TMEM131L: variants seen among roughly 807,000 people sequenced by gnomAD.
The protein encoded by TMEM131L is transmembrane protein 131-like.
Under a neutral mutation model 192.2 loss-of-function variants are expected in TMEM131L, and 54 were observed. The observed-to-expected ratio is 0.28, with a 90% CI of 0.23 to 0.35. TMEM131L has a LOEUF of 0.35. TMEM131L is among the 10% of genes least tolerant of loss of function. TMEM131L has a pLI of 1.00. For missense variants in TMEM131L, 1,888 were observed against 1,972.9 expected, an observed-to-expected ratio of 0.96 and a Z score of 0.82; for synonymous variants, 701 against 704.9, an observed-to-expected ratio of 0.99 and a Z score of 0.09.
intron 3 of TMEM131L, among the ~76,000 whole-genome samples, chr4:153,500,580 G>C (rs796785925): frequency 9.9e-5 from 15 of 152,242 alleles, no homozygotes; most frequent in African/African-American, 3.6e-4. Flanking sequence ...CTTGGATCGT[G>C]TTATTTTATG....
intron 3 of TMEM131L, among the ~76,000 whole-genome samples, chr4:153,502,421 T>C (rs1257273283): frequency 6.6e-6 from 1 of 152,190 alleles, no homozygotes; most frequent in Non-Finnish European, 1.5e-5. Flanking sequence ...TTTGTCACAG[T>C]GAACCTTATT....
At chr4:153,634,921 C>T (rs924577131) in intron 33 of TMEM131L, among the ~76,000 whole-genome samples, 1 of 152,200 alleles carries the variant, frequency 6.6e-6, no homozygotes, top group African/African-American at 2.4e-5. Context: ...GATTTTGATA[C>T]ATGCATTGCT....
chr4:153,618,972 T>C (rs1383999429), intron 26 of TMEM131L, among the ~76,000 whole-genome samples: 1 of 152,180 alleles, frequency 6.6e-6, no homozygotes, highest in African/African-American at 2.4e-5. Context: ...TTCTGGGATA[T>C]GTCTCACGCC....
chr4:153,632,263 A>T, intron 31 of TMEM131L: 3 of 161,332 alleles, frequency 1.9e-5, no homozygotes, highest in Non-Finnish European at 4.1e-5. Context: ...CAGTGAACCA[A>T]GATGCCACCA....
chr4:153,555,950 G>C lies in TMEM131L; in HGVS notation c.432+40G>C, dbSNP rs1298909008. 1.3e-6 allele frequency: 2 copies of C among 1,539,662 alleles called. No homozygotes were observed. Among genetic ancestry groups the C allele is most frequent in the Non-Finnish European group, 1.8e-6 (2 of 1,140,468 alleles). ...ACTCCTGGAAACTATGCCGTGGCAG[G>C]CAGCCAGGTTTTCTTGCTTTCTTTG... On this transcript the variant is annotated intron_variant, in intron 5 of 34. Transcript: ENST00000409959. This position sits in a 1 kb window ranked among gnomAD's most constrained non-coding sequence, Gnocchi z 4.1.
At chr4:153,593,706 A>G (rs1731229010) in intron 18 of TMEM131L, 93 bp from the exon 19 acceptor site, 3 of 805,820 alleles carry the variant, frequency 3.7e-6, no homozygotes, top group Middle Eastern at 2.2e-4. Context: ...GTACTCACCT[A>G]TGTATAAATG....
chr4:153,601,884 G>T (rs943102121), intron 21 of TMEM131L: 1 of 226,520 alleles, frequency 4.4e-6, no homozygotes, highest in Non-Finnish European at 8.4e-6. Context: ...CCAAAGAAGA[G>T]ATTTTAGTTA....
In TMEM131L at chr4:153,467,204, C is replaced by G. The variant is rs2149690854; in HGVS notation, c.125-7C>G. 6.4e-7 allele frequency: 1 copy of G among 1,551,612 alleles called. No individual in the cohort carries two copies. Among genetic ancestry groups the G allele is most frequent in the East Asian group, 2.4e-5 (1 of 40,924 alleles). Reference sequence around the variant, plus strand: ...AAAACGTGGTGTATTTTTTGGTGTTCCTGCAGCGATTGAGCCGTTGCCGAA... The same window carrying G: ...AAAACGTGGTGTATTTTTTGGTGTTGCTGCAGCGATTGAGCCGTTGCCGAA... On this transcript the variant is annotated splice_region_variant and splice_polypyrimidine_tract_variant and intron_variant, in intron 1 of 34. Coordinates refer to ENST00000409959, the MANE Select transcript of TMEM131L (RefSeq NM_001131007.2).
intron 3 of TMEM131L, among the ~76,000 whole-genome samples, chr4:153,501,366 A>G (rs2149993571): frequency 6.6e-6 from 1 of 152,120 alleles, no homozygotes; most frequent in South Asian, 2.1e-4. Context: ...ACACCCGGCT[A>G]ATTTTTTGTA....
chr4:153,552,318 T>C (rs951670443), intron 4 of TMEM131L, among the ~76,000 whole-genome samples: 1 of 152,222 alleles, frequency 6.6e-6, no homozygotes, highest in African/African-American at 2.4e-5. Flanking sequence ...TAAGTATAGC[T>C]ATTAGGATAA....
In TMEM131L at chr4:153,581,547, A is replaced by G. The variant is rs781303404; in HGVS notation, c.879A>G (p.Glu293=). Residue 293 remains glutamate (E), a synonymous_variant, in exon 9 of 35, where the codon GAA becomes GAG. Transcript: ENST00000409959. ...CTATTGTTTACGTAGCTACAGATGA[A>G]TCTGAGACCTCAGGTAAGGTGGAAT... The part of the protein sequence containing the change: ...HLSIVYVATD[E]SETSDDSAVN... 6 of 1,558,620 alleles carry G rather than the reference A, an allele frequency of 3.8e-6. No homozygotes were observed. Among genetic ancestry groups the G allele is most frequent in the Non-Finnish European group, 5.2e-6 (6 of 1,150,430 alleles).
chr4:153,514,963 C>T (rs1313827728), intron 3 of TMEM131L, among the ~76,000 whole-genome samples: 1 of 152,096 alleles, frequency 6.6e-6, no homozygotes, highest in Non-Finnish European at 1.5e-5. Context: ...AGGCGCCTGC[C>T]ACCACACTCG....
intron 3 of TMEM131L, among the ~76,000 whole-genome samples, chr4:153,522,426 C>T (rs34828992): frequency 6.6e-5 from 10 of 152,062 alleles, no homozygotes; most frequent in Non-Finnish European, 1.5e-4. Context: ...AGGAGGAGAC[C>T]GGGATGGAAG....
At chr4:153,469,108 A>G (rs1730974416) in intron 2 of TMEM131L, among the ~76,000 whole-genome samples, 1 of 152,316 alleles carries the variant, frequency 6.6e-6, no homozygotes, top group Non-Finnish European at 1.5e-5. Context: ...GTATAATACA[A>G]TTTGTTTTGA....
At chr4:153,537,523 T>G (rs1736424824) in intron 3 of TMEM131L, among the ~76,000 whole-genome samples, 1 of 152,178 alleles carries the variant, frequency 6.6e-6, no homozygotes, top group Admixed American at 6.5e-5. Context: ...TGCCTCCCCT[T>G]TTTTGACCGT....
At chr4:153,469,841 G>A (rs1184292785) in intron 2 of TMEM131L, among the ~76,000 whole-genome samples, 1 of 152,110 alleles carries the variant, frequency 6.6e-6, no homozygotes, top group Non-Finnish European at 1.5e-5. Context: ...CAGGAGAATT[G>A]CTTGAACCTG....
At chr4:153,567,371 C>T (rs1373192338) in intron 7 of TMEM131L, among the ~76,000 whole-genome samples, 2 of 152,098 alleles carry the variant, frequency 1.3e-5, no homozygotes, top group Non-Finnish European at 2.9e-5. Context: ...TATTTAGTAA[C>T]ATTTTGTTGT....
At chr4:153,474,027 A>G (rs1467123318) in intron 3 of TMEM131L, 139 bp downstream of exon 3, 1 of 551,502 alleles carries the variant, frequency 1.8e-6, no homozygotes, top group African/African-American at 2.0e-5. Flanking sequence ...CATTTGTCGT[A>G]TCTATACCTT....
intron 3 of TMEM131L, among the ~76,000 whole-genome samples, chr4:153,503,479 T>C (rs1431119651): frequency 6.6e-6 from 1 of 152,258 alleles, no homozygotes; most frequent in African/African-American, 2.4e-5. Flanking sequence ...TTACTCATTA[T>C]TTATACAAAA....
Sources: allele counts gnomAD v4.1 joint callset (sites outside exome capture counted in the v4.1 genomes callset), GRCh38; gene constraint gnomAD v4.1.1; non-coding constraint Gnocchi (gnomAD v3.1); transcripts MANE v1.5; gene names NCBI Gene and HGNC (gene_info 2026-07-23, HGNC 2026-07-21).